The following SPINK5 variants were observed in gnomAD, a reference collection of about 807,000 sequenced individuals.
The protein encoded by SPINK5 is serine peptidase inhibitor Kazal type 5.
Under a neutral mutation model 151.8 loss-of-function variants are expected in SPINK5, and 125 were observed. The ratio of observed to expected loss-of-function variants is 0.82; its 90% CI spans 0.71 to 0.96. SPINK5 has a LOEUF of 0.96. Among genes scored for constraint, SPINK5 ranks in the 40% least tolerant of loss-of-function variants. SPINK5 has a pLI of 0.00. For missense variants in SPINK5, 1,194 were observed against 1,291.9 expected, an observed-to-expected ratio of 0.92 and a Z score of 1.16; for synonymous variants, 374 against 395.3, an observed-to-expected ratio of 0.95 and a Z score of 0.64.
rs369323668 is a variant in SPINK5, at chr5:148,118,451, G to A, written c.2127G>A (p.Glu709=). The change falls in exon 23 of 33, where the codon GAG becomes GAA. Residue 709 remains glutamate (E), a synonymous_variant. Transcript: ENST00000256084. ...TCTGTTTTCAGGACGAATGTGCTGA[G>A]TATCGGGAACAAATGAAAAATGGAA... ...GGGNTQDECA[E]YREQMKNGRL... is the part of the protein sequence containing the mutation. 2.2e-5 allele frequency: 35 copies of A among 1,614,026 alleles called. No individual in the cohort carries two copies. The African/African-American group carries it at 4.0e-4, about 18-fold the overall frequency.
chr5:148,095,240 G>C (rs1263022252), intron 9 of SPINK5, among the ~76,000 whole-genome samples: 1 of 151,918 alleles, frequency 6.6e-6, no homozygotes, highest in Non-Finnish European at 1.5e-5. Flanking sequence ...CCAAGTTTTT[G>C]TTGACTTTCA....
intron 13 of SPINK5, 147 bp downstream of exon 13, chr5:148,100,728 T>C (rs745772966): frequency 5.5e-6 from 5 of 910,008 alleles, no homozygotes; most frequent in Non-Finnish European, 8.5e-6. Flanking sequence ...AGACATGTAT[T>C]TGAAAATCCA....
chr5:148,118,848 T>A, intron 23 of SPINK5, 138 bp from the exon 24 acceptor site: 1 of 947,158 alleles, frequency 1.1e-6, no homozygotes. Flanking sequence ...TAGGAAGACT[T>A]TGTCACGGCC....
chr5:148,136,878 A>C, intron 32 of SPINK5, 105 bp from the exon 33 acceptor site: 1 of 1,416,712 alleles, frequency 7.1e-7, no homozygotes, highest in Non-Finnish European at 1.0e-6. Flanking sequence ...TGCAGAATGC[A>C]GGATCTATGG....
At chr5:148,093,237 T>C (rs778849768) in intron 8 of SPINK5, among the ~76,000 whole-genome samples, 2 of 151,980 alleles carry the variant, frequency 1.3e-5, no homozygotes, top group African/African-American at 2.4e-5. Context: ...ATCATTTTTT[T>C]GGTAAAGTTT....
At position 148,101,766 on chromosome 5, in the gene SPINK5, G is replaced by A. The variant is rs1309926965; in HGVS notation, c.1303-15G>A. 3 of 1,613,406 alleles carry A rather than the reference G, an allele frequency of 1.9e-6. No homozygotes were observed. On this transcript the variant is annotated splice_polypyrimidine_tract_variant and intron_variant, in intron 14 of 32. Coordinates refer to ENST00000256084, the MANE Select transcript of SPINK5 (RefSeq NM_006846.4). ...CTATGTTCAACACTTTCAACTTCCTGCCTCAATTTCACAGGAGTTGTGTAG... is the reference window on the plus strand; with the variant it reads ...CTATGTTCAACACTTTCAACTTCCTACCTCAATTTCACAGGAGTTGTGTAG...
At chr5:148,112,600 G>A (rs930486211) in intron 19 of SPINK5, among the ~76,000 whole-genome samples, 3 of 151,996 alleles carry the variant, frequency 2.0e-5, no homozygotes, top group African/African-American at 7.3e-5. Flanking sequence ...TTGAACCCAG[G>A]AGAAGGAGGT....
chr5:148,065,458 T>C lies in SPINK5; in HGVS notation c.81+86T>C, dbSNP rs1410769820. Reference sequence around the variant, plus strand: ...GTGGCCAACACCTTCATGTTAATAATACAAACATATTATACTGGTAGGTAC... The same window carrying C: ...GTGGCCAACACCTTCATGTTAATAACACAAACATATTATACTGGTAGGTAC... On this transcript the variant is annotated intron_variant, in intron 2 of 32. Transcript: ENST00000256084. 1.2e-5 allele frequency: 17 copies of C among 1,443,390 alleles called. No homozygotes were observed. The South Asian group carries it at 1.3e-4, about 11-fold the overall frequency. 89.4% of individuals were successfully genotyped at this position (1,443,390 alleles called of 1,614,324 possible). A position where few individuals can be genotyped will look rare whatever the true frequency, so the allele number is the denominator to read the frequency against.
At chr5:148,087,103 GTTTA>G (rs1027269549) in intron 5 of SPINK5, among the ~76,000 whole-genome samples, 1 of 150,670 alleles carries the variant, frequency 6.6e-6, no homozygotes, top group Non-Finnish European at 1.5e-5. Flanking sequence ...ATCAAATTAT[GTTTA>G]TTAAGTGCTT....
intron 4 of SPINK5, 92 bp from the exon 5 acceptor site, chr5:148,086,313 A>T: frequency 6.6e-7 from 1 of 1,513,438 alleles, no homozygotes; most frequent in Non-Finnish European, 8.9e-7. Flanking sequence ...AGCAATTTAC[A>T]TTATTGTGGG....
intron 4 of SPINK5, among the ~76,000 whole-genome samples, chr5:148,075,968 A>C (rs1407376112): frequency 6.6e-6 from 1 of 151,800 alleles, no homozygotes; most frequent in Non-Finnish European, 1.5e-5. Flanking sequence ...TTGCAGTCAT[A>C]ATTGAAGCAA....
In SPINK5 at chr5:148,124,752, A is replaced by G. The variant is rs2052537; in HGVS notation, c.2667-13A>G. On this transcript the variant is annotated splice_polypyrimidine_tract_variant and intron_variant, in intron 27 of 32. Coordinates refer to ENST00000256084, the MANE Select transcript of SPINK5 (RefSeq NM_006846.4). ...GAAAAATTACCCTATCTTTTTTTTTAATTATTCTGCAGTGATCGAGAAGCT... is the reference window on the plus strand; with the variant it reads ...GAAAAATTACCCTATCTTTTTTTTTGATTATTCTGCAGTGATCGAGAAGCT... The G allele has an allele frequency of 1.0e-5, 16 of 1,530,868 alleles. No individual in the cohort carries two copies. The African/African-American group carries it at 2.0e-4, about 19-fold the overall frequency. 94.8% of individuals were successfully genotyped at this position (1,530,868 alleles called of 1,614,324 possible).
intron 12 of SPINK5, 126 bp downstream of exon 12, chr5:148,099,441 G>C: frequency 2.8e-6 from 2 of 719,638 alleles, no homozygotes. Context: ...TCTGGGGATG[G>C]TATTGAGATG....
At position 148,123,980 on chromosome 5, in the gene SPINK5, A is replaced by G. The variant is rs145105445; in HGVS notation, c.2666+20A>G. On this transcript the variant is annotated intron_variant, in intron 27 of 32. Transcript: ENST00000256084. The stretch of plus-strand genomic sequence containing the variant: ...CATCTTGTACGTAAAAAGGTTTATC[A>G]ATAAATTTGATAGTTGTGCCTGTTT... 5.0e-6 allele frequency: 8 copies of G among 1,613,326 alleles called. No homozygotes were observed. In the East Asian group the frequency reaches 1.6e-4, roughly 31 times the overall value.
At chr5:148,088,430 C>T in intron 5 of SPINK5, 112 bp from the exon 6 acceptor site, 1 of 861,080 alleles carries the variant, frequency 1.2e-6, no homozygotes, top group Admixed American at 1.9e-5. Flanking sequence ...TACTATGTGG[C>T]AGCTGTTTTC....
At chr5:148,076,055 A>G (rs1028060250) in intron 4 of SPINK5, among the ~76,000 whole-genome samples, 2 of 150,098 alleles carry the variant, frequency 1.3e-5, no homozygotes, top group African/African-American at 2.5e-5. Flanking sequence ...CTCCTAACTG[A>G]CTATAAAGCT....
chr5:148,070,571 G>A, intron 3 of SPINK5, 121 bp downstream of exon 3: 1 of 1,281,540 alleles, frequency 7.8e-7, no homozygotes, highest in Admixed American at 1.9e-5. Context: ...AAATAAAAGT[G>A]CTGAGCAGAT....
intron 4 of SPINK5, among the ~76,000 whole-genome samples, chr5:148,081,007 C>T (rs1366491059): frequency 6.6e-6 from 1 of 151,488 alleles, no homozygotes; most frequent in Non-Finnish European, 1.5e-5. Context: ...GGCTAATAAG[C>T]ACACAACAAG....
intron 2 of SPINK5, among the ~76,000 whole-genome samples, chr5:148,068,578 A>AAAAGAAAGAAAGAAAGAAAG (rs1554101970): frequency 2.7e-5 from 2 of 74,390 alleles, no homozygotes; most frequent in African/African-American, 6.8e-5. Context: ...AAAAAAAAAA[A>AAAAGAAAGAAAGAAAGAAAG]AAAGAAAGAA....
Sources: allele counts gnomAD v4.1 joint callset (sites outside exome capture counted in the v4.1 genomes callset), GRCh38; gene constraint gnomAD v4.1.1; transcripts MANE v1.5; gene names NCBI Gene and HGNC (gene_info 2026-07-23, HGNC 2026-07-21).